KDM2A: variants seen among roughly 807,000 people sequenced by gnomAD.
KDM2A encodes lysine demethylase 2A.
Under a neutral mutation model 137.3 loss-of-function variants are expected in KDM2A, and 3 were observed. That is an observed-to-expected ratio of 0.02 (90% CI 0.01 to 0.06). KDM2A has a LOEUF of 0.06. KDM2A is among the 10% of genes least tolerant of loss of function. KDM2A has a pLI of 1.00. For missense variants in KDM2A, 738 were observed against 1,510.6 expected (o/e 0.49, Z 8.48); for synonymous variants, 512 against 541.5 (o/e 0.95, Z 0.76).
chr11:67,204,516 G>A (rs1205531684), intron 5 of KDM2A, among the ~76,000 whole-genome samples: 1 of 146,766 alleles, frequency 6.8e-6, no homozygotes, highest in Non-Finnish European at 1.5e-5. Flanking sequence ...TTTTGAGACA[G>A]AGTCTCACTG....
At chr11:67,142,791 G>T (rs963354051) in intron 2 of KDM2A, among the ~76,000 whole-genome samples, 1 of 151,844 alleles carries the variant, frequency 6.6e-6, no homozygotes, top group Non-Finnish European at 1.5e-5. Context: ...ATTCCTAGAA[G>T]TACAGTAATT....
In KDM2A at chr11:67,199,900, G is replaced by A. The variant is rs528111084; in HGVS notation, c.308-7610G>A. 2.0e-5 allele frequency among the ~76,000 whole-genome samples: 3 copies of A among 152,286 alleles called. No individual in the cohort carries two copies. In the East Asian group the frequency reaches 5.8e-4, roughly 29 times the overall value. ...AGGCAGTTGCTTCAAGGGACAAGTTGACTCTCTTGTTAGGGGCTAATGCAG... is the reference window on the plus strand; with the variant it reads ...AGGCAGTTGCTTCAAGGGACAAGTTAACTCTCTTGTTAGGGGCTAATGCAG... On this transcript the variant is annotated intron_variant, in intron 5 of 20. Transcript: ENST00000529006.
intron 5 of KDM2A, among the ~76,000 whole-genome samples, chr11:67,187,063 A>G (rs1857224049): frequency 2.0e-5 from 3 of 152,230 alleles, no homozygotes; most frequent in Non-Finnish European, 4.4e-5. Context: ...ATAGTAGTGA[A>G]GTCAAACTGG....
intron 10 of KDM2A, among the ~76,000 whole-genome samples, chr11:67,225,749 A>G: frequency 6.6e-6 from 1 of 151,364 alleles, no homozygotes; most frequent in East Asian, 2.0e-4. Flanking sequence ...AGCCTGGGCA[A>G]TAAGCACAAA....
chr11:67,205,936 C>G (rs940426469), intron 5 of KDM2A, among the ~76,000 whole-genome samples: 1 of 152,144 alleles, frequency 6.6e-6, no homozygotes, highest in Non-Finnish European at 1.5e-5. Flanking sequence ...TTTCCTAAAG[C>G]CTTTTCTGAT....
intron 2 of KDM2A, among the ~76,000 whole-genome samples, chr11:67,131,304 A>T (rs1855848522): frequency 6.6e-6 from 1 of 151,888 alleles, no homozygotes; most frequent in African/African-American, 2.4e-5. Flanking sequence ...AGCCTGGGTG[A>T]CAAGAGCGAA....
At chr11:67,232,499 ATTATAC>A (rs1858745247) in intron 12 of KDM2A, among the ~76,000 whole-genome samples, 2 of 152,120 alleles carry the variant, frequency 1.3e-5, no homozygotes, top group African/African-American at 4.8e-5. Context: ...TTATTTTTTA[ATTATAC>A]TTTAAGTTCT....
chr11:67,178,197 G>A (rs770541961), intron 2 of KDM2A, among the ~76,000 whole-genome samples: 1 of 152,112 alleles, frequency 6.6e-6, no homozygotes, highest in Non-Finnish European at 1.5e-5. Context: ...CTTGAGCACA[G>A]GAGTTCGAGA....
chr11:67,215,070 A>G (rs1488619967), intron 6 of KDM2A, among the ~76,000 whole-genome samples: 4 of 152,184 alleles, frequency 2.6e-5, no homozygotes, highest in Non-Finnish European at 4.4e-5. Context: ...GTTATACACT[A>G]TTGCATAATT....
intron 10 of KDM2A, among the ~76,000 whole-genome samples, chr11:67,225,960 G>A (rs1858529062): frequency 6.6e-6 from 1 of 152,156 alleles, no homozygotes; most frequent in East Asian, 1.9e-4. Context: ...AGCTACTTGG[G>A]AGGCTGAGGC....
intron 2 of KDM2A, among the ~76,000 whole-genome samples, chr11:67,173,030 AC>A (rs1274997690): frequency 6.6e-6 from 1 of 152,068 alleles, no homozygotes; most frequent in Non-Finnish European, 1.5e-5. Context: ...TCACCCTGTC[AC>A]CCAGGCTGGA....
chr11:67,215,197 C>T, intron 6 of KDM2A, 143 bp from the exon 7 acceptor site: 2 of 536,088 alleles, frequency 3.7e-6, no homozygotes, highest in Non-Finnish European at 6.7e-6. Flanking sequence ...TAAGATTCGC[C>T]AACAGATTTT....
At chr11:67,169,292 C>G (rs930455647) in intron 2 of KDM2A, among the ~76,000 whole-genome samples, 15 of 151,816 alleles carry the variant, frequency 9.9e-5, no homozygotes, top group Non-Finnish European at 1.9e-4. Flanking sequence ...AAAACAATGC[C>G]CTAAATTTTT....
At chr11:67,242,077 A>T (rs1859060804) in intron 12 of KDM2A, among the ~76,000 whole-genome samples, 1 of 152,206 alleles carries the variant, frequency 6.6e-6, no homozygotes, top group Non-Finnish European at 1.5e-5. Context: ...CCATCTAAAA[A>T]ATAAAAATTA....
chr11:67,137,174 C>G (rs894636829), intron 2 of KDM2A, among the ~76,000 whole-genome samples: 6 of 152,026 alleles, frequency 3.9e-5, no homozygotes, highest in African/African-American at 1.4e-4. Context: ...AACAAAACAC[C>G]AAAAAAGCCA....
At chr11:67,242,930 G>C in intron 12 of KDM2A, 79 bp from the exon 13 acceptor site, 1 of 1,074,198 alleles carries the variant, frequency 9.3e-7, no homozygotes, top group South Asian at 1.3e-5. Flanking sequence ...TACTGAGGCA[G>C]AGTCTGGATG....
At chr11:67,224,162 G>A (rs879523342) in intron 10 of KDM2A, among the ~76,000 whole-genome samples, 8 of 152,166 alleles carry the variant, frequency 5.3e-5, no homozygotes, top group African/African-American at 1.7e-4. Flanking sequence ...CCAGTTCTCC[G>A]TGATTCAGGA....
intron 5 of KDM2A, among the ~76,000 whole-genome samples, chr11:67,199,816 A>G (rs542517111): frequency 6.6e-6 from 1 of 152,356 alleles, no homozygotes; most frequent in East Asian, 1.9e-4. Flanking sequence ...TTTTCCATGT[A>G]AATGAAACAG....
At chr11:67,148,256 T>C (rs1315569158) in intron 2 of KDM2A, among the ~76,000 whole-genome samples, 1 of 146,776 alleles carries the variant, frequency 6.8e-6, no homozygotes, top group African/African-American at 2.7e-5. Flanking sequence ...ACCGCATCTC[T>C]ATTAAAAAAA....
Sources: allele counts gnomAD v4.1 joint callset (sites outside exome capture counted in the v4.1 genomes callset), GRCh38; gene constraint gnomAD v4.1.1; transcripts MANE v1.5; gene names NCBI Gene and HGNC (gene_info 2026-07-23, HGNC 2026-07-21).